The following UNC79 variants were observed in gnomAD, a reference collection of about 807,000 sequenced individuals.
UNC79 encodes protein unc-79 homolog.
In UNC79, 37 loss-of-function variants were observed where a neutral mutation model predicts 283.1. The observed-to-expected ratio is 0.13, with a 90% CI of 0.10 to 0.17. The LOEUF (loss-of-function observed/expected upper bound fraction) is 0.17, where lower values mean the gene tolerates loss of function less well. Among genes scored for constraint, UNC79 ranks in the 10% least tolerant of loss-of-function variants. The probability of loss-of-function intolerance (pLI) is 1.00; values close to 1 mark genes in which losing one functional copy is unlikely to be tolerated. For synonymous variants in UNC79, 1,107 were observed against 1,200.2 expected (o/e 0.92, Z 1.61); for missense variants, 2,272 against 3,211.1 (o/e 0.71, Z 7.07).
At chr14:93,600,245 C>T (rs548940896) in intron 24 of UNC79, among the ~76,000 whole-genome samples, 147 of 151,984 alleles carry the variant, frequency 9.7e-4, no homozygotes, top group Non-Finnish European at 1.8e-3. Context: ...CAACAAAAAA[C>T]CCAGATGCAT....
intron 1 of UNC79, among the ~76,000 whole-genome samples, chr14:93,375,415 G>A (rs2054534843): frequency 6.6e-6 from 1 of 152,026 alleles, no homozygotes; most frequent in African/African-American, 2.4e-5. Context: ...TGAGTCATTG[G>A]GCTTCTGCCT....
chr14:93,618,947 C>T lies in UNC79; in HGVS notation c.4387+593C>T, dbSNP rs529293498. On this transcript the variant is annotated intron_variant, in intron 29 of 48. Coordinates refer to ENST00000555664, the Ensembl canonical transcript of UNC79. ...CTAGGGTAAAATTGCAGCCTGTTTT[C>T]AGGTGAGACACGAAGAACCAGGGTG... Among the ~76,000 whole-genome samples the T allele has an allele frequency of 7.2e-4, 110 of 152,288 alleles. 1 individual carries two copies. The highest frequency in any genetic ancestry group is 2.6e-3 in the African/African-American group (106 of 41,556).
intron 7 of UNC79, among the ~76,000 whole-genome samples, chr14:93,512,434 C>G (rs2059871416): frequency 6.6e-6 from 1 of 152,026 alleles, no homozygotes; most frequent in Admixed American, 6.6e-5. Flanking sequence ...TGTTCTTCAT[C>G]AGTTTTGGAA....
intron 7 of UNC79, 43 bp downstream of exon 7, chr14:93,497,329 C>T (rs758838169): frequency 6.3e-7 from 1 of 1,592,566 alleles, no homozygotes; most frequent in East Asian, 2.2e-5. Context: ...TGTATTTCTC[C>T]TGTGCCACAC....
chr14:93,477,875 G>T, intron 4 of UNC79, 147 bp downstream of exon 4: 1 of 772,714 alleles, frequency 1.3e-6, no homozygotes, highest in Non-Finnish European at 1.9e-6. Context: ...AGTCACTTTA[G>T]CATGGATATT....
intron 1 of UNC79, among the ~76,000 whole-genome samples, chr14:93,340,958 T>C (rs555563714): frequency 5.3e-5 from 8 of 152,186 alleles, no homozygotes; most frequent in Non-Finnish European, 1.2e-4. Flanking sequence ...ACATACTGTC[T>C]GATTTAACCT....
chr14:93,646,861 A>G (rs2069670253), intron 35 of UNC79, among the ~76,000 whole-genome samples: 1 of 152,040 alleles, frequency 6.6e-6, no homozygotes, highest in South Asian at 2.1e-4. Context: ...AATAAAAAAT[A>G]AAAAAAATAC....
chr14:93,476,428 G>C (rs2057804365), intron 3 of UNC79, among the ~76,000 whole-genome samples: 1 of 152,168 alleles, frequency 6.6e-6, no homozygotes, highest in African/African-American at 2.4e-5. Flanking sequence ...CACAGCTTCG[G>C]TTAATTCTTA....
chr14:93,694,199 C>A, intron 46 of UNC79, 136 bp from the exon 50 acceptor site: 1 of 640,258 alleles, frequency 1.6e-6, no homozygotes, highest in South Asian at 2.7e-5. Context: ...ATGAACACCA[C>A]TGCCAGTGGT....
At position 93,580,455 on chromosome 14, in the gene UNC79, C is replaced by T; in HGVS notation, c.2661+79C>T. 3 of 1,357,986 alleles carry T rather than the reference C, an allele frequency of 2.2e-6. No individual in the cohort carries two copies. In the South Asian group the frequency reaches 4.1e-5, roughly 19 times the overall value. The allele number at this position is 1,357,986 out of a possible 1,614,324, so 84.1% of individuals were successfully genotyped here. ...GTAGCTGATGTAATGGAGTCTTCCT[C>T]CAGCAGCATCTTATACTCCATGCTG... On this transcript the variant is annotated intron_variant, in intron 19 of 48. Transcript: ENST00000555664.
intron 30 of UNC79, among the ~76,000 whole-genome samples, chr14:93,623,140 T>A (rs1270513031): frequency 1.1e-4 from 16 of 152,228 alleles, no homozygotes; most frequent in Non-Finnish European, 2.2e-4. Context: ...AATCCAGGTA[T>A]CATCTCAGCC....
chr14:93,406,693 C>T (rs1472581764), intron 1 of UNC79, among the ~76,000 whole-genome samples: 1 of 152,176 alleles, frequency 6.6e-6, no homozygotes, highest in Non-Finnish European at 1.5e-5. Flanking sequence ...AAACTCAGTA[C>T]AAACTTTTGG....
At chr14:93,682,902 C>G (rs756987304) in intron 42 of UNC79, among the ~76,000 whole-genome samples, 1 of 152,042 alleles carries the variant, frequency 6.6e-6, no homozygotes, top group Non-Finnish European at 1.5e-5. Flanking sequence ...GAGGATTGAA[C>G]GAGATAATGC....
intron 11 of UNC79, among the ~76,000 whole-genome samples, chr14:93,533,469 G>T (rs1009827590): frequency 6.6e-6 from 1 of 152,280 alleles, no homozygotes; most frequent in South Asian, 2.1e-4. Context: ...GCAGTCAGTT[G>T]GTGGGTAAGC....
intron 38 of UNC79, among the ~76,000 whole-genome samples, chr14:93,657,497 G>T (rs937569697): frequency 2.1e-5 from 3 of 145,124 alleles, no homozygotes; most frequent in Non-Finnish European, 3.0e-5. Context: ...GACTACAGGC[G>T]CCCACCACCA....
chr14:93,596,387 C>A lies in UNC79; in HGVS notation c.3191-972C>A, dbSNP rs1382462006. On this transcript the variant is annotated intron_variant, in intron 23 of 48. Coordinates refer to ENST00000555664, the Ensembl canonical transcript of UNC79. ...CAGTGGCTCATGCCTGTAATCCCAG[C>A]ACTTTGGGAGGCCAAAGCAGGCAGA... is the stretch of plus-strand genomic sequence containing the variant. Among the ~76,000 whole-genome samples, 3 of 152,192 alleles carry A rather than the reference C, an allele frequency of 2.0e-5. No individual in the cohort carries two copies. In the East Asian group the frequency reaches 5.8e-4, roughly 29 times the overall value.
chr14:93,359,333 G>A (rs2054172246), intron 1 of UNC79, among the ~76,000 whole-genome samples: 1 of 152,150 alleles, frequency 6.6e-6, no homozygotes, highest in South Asian at 2.1e-4. Flanking sequence ...GGGTCCGGAA[G>A]GTATACCCTT....
chr14:93,570,995 T>C (rs8013216), intron 14 of UNC79, among the ~76,000 whole-genome samples: 40,279 of 152,136 alleles, frequency 0.26, 6,013 homozygotes, highest in East Asian at 0.74. Context: ...TATAGAAATA[T>C]AGTCATTTCT....
chr14:93,435,340 T>C (rs1441614418), intron 1 of UNC79, among the ~76,000 whole-genome samples: 1 of 152,216 alleles, frequency 6.6e-6, no homozygotes, highest in East Asian at 1.9e-4. Context: ...TGATTTAAAC[T>C]CCTTTTCTTC....
Sources: allele counts gnomAD v4.1 joint callset (sites outside exome capture counted in the v4.1 genomes callset), GRCh38; gene constraint gnomAD v4.1.1; transcripts MANE v1.5; gene names NCBI Gene and HGNC (gene_info 2026-07-23, HGNC 2026-07-21).